The following ZNF678 variants were observed in gnomAD, a reference collection of about 807,000 sequenced individuals.
ZNF678 encodes hypothetical protein MGC42493.
In ZNF678, 5 loss-of-function variants were observed where a neutral mutation model predicts 3.0. That is an observed-to-expected ratio of 1.69 (90% CI 0.88 to 3.56). ZNF678 has a LOEUF of 3.56. Among genes scored for constraint, ZNF678 ranks in the 30% most tolerant of loss-of-function variants. ZNF678 has a pLI of 0.00. For missense variants in ZNF678, 593 were observed against 605.0 expected (o/e 0.98, Z 0.21); for synonymous variants, 218 against 199.6 (o/e 1.09, Z -0.78).
Position 227,650,973 on chromosome 1 carries a change from T to TA in ZNF678, c.-15dup, listed in dbSNP as rs746005372. 1.0e-4 allele frequency: 165 copies of TA among 1,611,266 alleles called. No homozygotes were observed. Among genetic ancestry groups the TA allele is most frequent in the Non-Finnish European group, 1.7e-5 (20 of 1,179,240 alleles). Reference sequence around the variant, plus strand: ...CTGTCTAGGACTTCCAGGACTATGTTAAAATAGAAGCATTGATAATGGGCA... The same window carrying TA: ...CTGTCTAGGACTTCCAGGACTATGTTAAAAATAGAAGCATTGATAATGGGCA... On this transcript the variant is annotated 5_prime_UTR_variant, in exon 3 of 4. The change abolishes the stop of an existing upstream ORF in the 5' untranslated region. Transcript: ENST00000343776.
In ZNF678 at chr1:227,580,237, A is replaced by T. The variant is rs909589359; in HGVS notation, c.-164+16513A>T. Among the ~76,000 whole-genome samples, 9 of 151,098 alleles carry T rather than the reference A, an allele frequency of 6.0e-5. No homozygotes were observed. The Admixed American group carries it at 6.0e-4, about 10-fold the overall frequency. Reference sequence around the variant, plus strand: ...CACTCTCAGCGCCTTTCCTCTGAAGATCTGTTAAAAGCATACCTGTCATCT... The same window carrying T: ...CACTCTCAGCGCCTTTCCTCTGAAGTTCTGTTAAAAGCATACCTGTCATCT... On this transcript the variant is annotated intron_variant, in intron 1 of 3. Transcript: ENST00000343776.
At chr1:227,653,093 ATT>A (rs572417219) in intron 3 of ZNF678, among the ~76,000 whole-genome samples, 8 of 152,056 alleles carry the variant, frequency 5.3e-5, no homozygotes, top group South Asian at 4.1e-4. Flanking sequence ...ACTCAACTCC[ATT>A]TTGCCCTGCA....
At chr1:227,642,646 C>A (rs939334753) in intron 1 of ZNF678, among the ~76,000 whole-genome samples, 3 of 151,998 alleles carry the variant, frequency 2.0e-5, no homozygotes, top group African/African-American at 7.3e-5. Context: ...CTGCCTGATT[C>A]ATCATGGGGA....
chr1:227,595,248 G>A (rs1657533423), intron 1 of ZNF678, among the ~76,000 whole-genome samples: 2 of 145,336 alleles, frequency 1.4e-5, no homozygotes, highest in African/African-American at 2.6e-5. Context: ...TTTTGCCTCT[G>A]TCTCTTCCTC....
intron 1 of ZNF678, among the ~76,000 whole-genome samples, chr1:227,578,836 G>T (rs1249121115): frequency 6.6e-6 from 1 of 152,084 alleles, no homozygotes; most frequent in Non-Finnish European, 1.5e-5. Flanking sequence ...GGGCATTCAG[G>T]GTTCTTGCAC....
chr1:227,623,150 T>A (rs766506005), intron 1 of ZNF678, among the ~76,000 whole-genome samples: 13 of 152,250 alleles, frequency 8.5e-5, no homozygotes, highest in Non-Finnish European at 1.3e-4. Flanking sequence ...GTTTACTTCT[T>A]TATATATTTG....
intron 3 of ZNF678, among the ~76,000 whole-genome samples, chr1:227,651,847 T>TA (rs1490404617): frequency 6.6e-6 from 1 of 152,168 alleles, no homozygotes; most frequent in Non-Finnish European, 1.5e-5. Flanking sequence ...TAGCTGGAAT[T>TA]ACAAATATGA....
intron 1 of ZNF678, among the ~76,000 whole-genome samples, chr1:227,610,401 G>T (rs1657987335): frequency 6.6e-6 from 1 of 152,182 alleles, no homozygotes; most frequent in Non-Finnish European, 1.5e-5. Context: ...AGCTTTGTTA[G>T]TGTAGTTTTA....
At chr1:227,649,035 C>A (rs999496316) in intron 2 of ZNF678, among the ~76,000 whole-genome samples, 2 of 152,094 alleles carry the variant, frequency 1.3e-5, no homozygotes, top group Non-Finnish European at 2.9e-5. Flanking sequence ...GTTTAAATAG[C>A]AGAATTACAT....
intron 1 of ZNF678, among the ~76,000 whole-genome samples, chr1:227,573,844 T>C (rs1656919075): frequency 6.6e-6 from 1 of 152,158 alleles, no homozygotes; most frequent in African/African-American, 2.4e-5. Context: ...ATCAGATAAG[T>C]CCCAGTGTCT....
At position 227,563,574 on chromosome 1, in the gene ZNF678, C is replaced by T. The variant is rs1484458253; in HGVS notation, c.-314C>T. ...GCGGGGCCTTTGTCTTGTGCTCCAG[C>T]TGGAGCTTTGGTCCCGTATTCTCGG... On this transcript the variant is annotated 5_prime_UTR_variant, in exon 1 of 4. Coordinates refer to ENST00000343776, the MANE Select transcript of ZNF678 (RefSeq NM_001367909.1). 2.6e-5 allele frequency: 21 copies of T among 805,778 alleles called. No individual in the cohort carries two copies. The highest frequency in any genetic ancestry group is 6.3e-5 in the East Asian group (1 of 15,822). The allele number at this position is 805,778 out of a possible 1,614,324, so 49.9% of individuals were successfully genotyped here. A position where few individuals can be genotyped will look rare whatever the true frequency, so the allele number is the denominator to read the frequency against.
chr1:227,608,873 A>G (rs531556654), intron 1 of ZNF678, among the ~76,000 whole-genome samples: 1 of 152,296 alleles, frequency 6.6e-6, no homozygotes, highest in South Asian at 2.1e-4. Flanking sequence ...TGATCTTGTG[A>G]TCATCAAACC....
At chr1:227,664,324 T>G (rs1252025473), downstream of ZNF678, among the ~76,000 whole-genome samples, 1 of 152,192 alleles carries the variant, frequency 6.6e-6, no homozygotes, top group Non-Finnish European at 1.5e-5. Context: ...TGTCCTGTCA[T>G]GCCCTGTGGT....
chr1:227,668,097 C>T (rs1250684544), intron 5 of ZNF678, among the ~76,000 whole-genome samples: 2 of 152,136 alleles, frequency 1.3e-5, no homozygotes, highest in African/African-American at 4.8e-5. Context: ...TTCAGAACAC[C>T]AAACAGTAGC....
At chr1:227,640,088 G>A (rs1024721524) in intron 1 of ZNF678, among the ~76,000 whole-genome samples, 1 of 152,218 alleles carries the variant, frequency 6.6e-6, no homozygotes, top group African/African-American at 2.4e-5. Flanking sequence ...CAGGAGAGAA[G>A]GAAGAACCTG....
chr1:227,676,625 A>G (rs1558165864), intron 5 of ZNF678, among the ~76,000 whole-genome samples: 1 of 150,904 alleles, frequency 6.6e-6, no homozygotes, highest in Non-Finnish European at 1.5e-5. Context: ...GCACCCAGTA[A>G]CTCGTCATTT....
intron 1 of ZNF678, among the ~76,000 whole-genome samples, chr1:227,624,025 CT>C (rs1658346390): frequency 6.6e-6 from 1 of 152,228 alleles, no homozygotes; most frequent in South Asian, 2.1e-4. Flanking sequence ...TGAAATACAT[CT>C]TTTTTTATAT....
At chr1:227,582,518 G>A (rs940823146) in intron 1 of ZNF678, 3 of 123,502 alleles carry the variant, frequency 2.4e-5, no homozygotes, top group East Asian at 2.6e-4. Context: ...TTGTAGAGAC[G>A]CATTCTCACT....
chr1:227,626,778 C>T (rs1224771424), intron 1 of ZNF678, among the ~76,000 whole-genome samples: 1 of 152,004 alleles, frequency 6.6e-6, no homozygotes, highest in Admixed American at 6.6e-5. Context: ...GGCCTCCGGG[C>T]TCAGTGTAAG....
Sources: gnomAD v4.1 joint callset for allele counts (sites outside exome capture counted in the v4.1 genomes callset) on GRCh38, gnomAD v4.1.1 for gene constraint, MANE v1.5 for transcripts, NCBI Gene and HGNC (gene_info 2026-07-23, HGNC 2026-07-21) for gene names.